The following HOOK3 variants were observed in gnomAD, a reference collection of about 807,000 sequenced individuals.
HOOK3 encodes the protein protein Hook homolog 3.
HOOK3 carries 24 observed loss-of-function variants against 116.3 expected under a neutral mutation model. The observed-to-expected ratio is 0.21, with a 90% CI of 0.15 to 0.29. The LOEUF (loss-of-function observed/expected upper bound fraction) is 0.29, where lower values mean the gene tolerates loss of function less well. Among genes scored for constraint, HOOK3 ranks in the 10% least tolerant of loss-of-function variants. HOOK3 has a pLI of 1.00. For synonymous variants in HOOK3, 275 were observed against 283.0 expected (o/e 0.97, Z 0.28); for missense variants, 632 against 830.2 (o/e 0.76, Z 2.93).
rs1173633622 is a variant in HOOK3 at position 43,025,774 on chromosome 8, A to G, written c.*7276A>G. The G allele has an allele frequency of 4.7e-6, 1 of 214,206 alleles. No individual in the cohort carries two copies. The highest frequency in any genetic ancestry group is 5.8e-5 in the Admixed American group (1 of 17,120). The allele number at this position is 214,206 out of a possible 1,614,324, so 13.3% of individuals were successfully genotyped here. ...ACTTGGTGTTATCTAGATCTGCTTT[A>G]TCTAGTTTGCAAGCCATAGGCTCAA... On this transcript the variant is annotated 3_prime_UTR_variant, in exon 22 of 22. Coordinates refer to ENST00000307602, the MANE Select transcript of HOOK3 (RefSeq NM_032410.4).
In HOOK3 at chr8:42,966,502, T is replaced by C; in HGVS notation, c.809T>C (p.Ile270Thr). The C allele has an allele frequency of 1.2e-6, 2 of 1,614,192 alleles. No homozygotes were observed. Among genetic ancestry groups the C allele is most frequent in the South Asian group, 1.1e-5 (1 of 91,080 alleles). Residue 270 changes from isoleucine to threonine, a missense_variant, in exon 10 of 22, where the codon ATA (isoleucine) becomes ACA (threonine). Transcript: ENST00000307602. ...RLEAAKDDYR[I>T]RCEELEKEIS... ...GAAGCAGCCAAAGATGATTATCGAA[T>C]ACGTTGTGAAGAGTTAGAAAAGGAG...
chr8:42,964,606 C>T (rs568325189), intron 9 of HOOK3, 132 bp downstream of exon 9: 2 of 702,378 alleles, frequency 2.8e-6, no homozygotes, highest in Non-Finnish European at 4.6e-6. Flanking sequence ...GCGGGCTGAT[C>T]ACTTGAGGTC....
At chr8:42,964,790 GC>G (rs1377473054) in intron 9 of HOOK3, among the ~76,000 whole-genome samples, 2 of 135,694 alleles carry the variant, frequency 1.5e-5, no homozygotes, top group African/African-American at 5.5e-5. Context: ...TCGTGCCACT[GC>G]ACCCCAGCCT....
intron 16 of HOOK3, chr8:43,000,182 T>G: frequency 1.3e-6 from 1 of 780,938 alleles, no homozygotes; most frequent in Non-Finnish European, 1.9e-6. Flanking sequence ...CTTCTGTTCA[T>G]GAATTACTAA....
At chr8:42,912,085 A>G (rs1807440821) in intron 2 of HOOK3, among the ~76,000 whole-genome samples, 1 of 152,188 alleles carries the variant, frequency 6.6e-6, no homozygotes, top group African/African-American at 2.4e-5. Context: ...TGTTGGGTAG[A>G]GGAGCAACTG....
At position 42,959,313 on chromosome 8, in the gene HOOK3, A is replaced by G. The variant is rs1407936081; in HGVS notation, c.614A>G (p.Gln205Arg). 4 of 1,603,260 alleles carry G rather than the reference A, an allele frequency of 2.5e-6. No individual in the cohort carries two copies. The highest frequency in any genetic ancestry group is 3.4e-6 in the Non-Finnish European group (4 of 1,170,418). ...CAAAGATGCCATGAACTGGATATGCAGGTAAGAGATTTGTTCTGTGCACCA... is the reference window on the plus strand; with the variant it reads ...CAAAGATGCCATGAACTGGATATGCGGGTAAGAGATTTGTTCTGTGCACCA... ...IAQRCHELDM[Q>R]VAALQEEKSS... The change falls in exon 8 of 22, where the codon CAG becomes CGG. Residue 205 changes from glutamine to arginine, a missense_variant and splice_region_variant. Coordinates refer to ENST00000307602, the MANE Select transcript of HOOK3 (RefSeq NM_032410.4).
At chr8:43,010,869 G>A (rs59592639) in intron 19 of HOOK3, among the ~76,000 whole-genome samples, 4,898 of 152,202 alleles carry the variant, frequency 0.032, 282 homozygotes, top group African/African-American at 0.11. Context: ...TCACTGTCAT[G>A]AAAACAAGAA....
chr8:42,958,365 T>A (rs1263131580), intron 7 of HOOK3, among the ~76,000 whole-genome samples: 1 of 152,124 alleles, frequency 6.6e-6, no homozygotes. Context: ...GAAGAGACAA[T>A]AAAATTTTCT....
intron 1 of HOOK3, among the ~76,000 whole-genome samples, chr8:42,901,177 C>T (rs1208846170): frequency 3.3e-5 from 5 of 152,272 alleles, no homozygotes; most frequent in Middle Eastern, 3.4e-3. Flanking sequence ...TCCAGGTGAT[C>T]TCATGCTTTA....
At chr8:43,007,206 C>G (rs1016952763) in intron 17 of HOOK3, among the ~76,000 whole-genome samples, 2 of 151,946 alleles carry the variant, frequency 1.3e-5, no homozygotes, top group African/African-American at 4.8e-5. Flanking sequence ...TTAGCAGAGA[C>G]TGGGTTTTGC....
At chr8:42,953,432 C>T (rs1808378569) in intron 6 of HOOK3, among the ~76,000 whole-genome samples, 1 of 151,714 alleles carries the variant, frequency 6.6e-6, no homozygotes, top group African/African-American at 2.4e-5. Flanking sequence ...GGCGTGGTGG[C>T]ACGTACCTGT....
intron 15 of HOOK3, among the ~76,000 whole-genome samples, chr8:42,990,281 C>T (rs994456459): frequency 1.2e-4 from 17 of 138,534 alleles, no homozygotes; most frequent in African/African-American, 4.2e-4. Context: ...TAGGCATGAA[C>T]CACCATATCC....
intron 10 of HOOK3, among the ~76,000 whole-genome samples, chr8:42,967,605 G>A (rs1808655251): frequency 6.6e-6 from 1 of 152,022 alleles, no homozygotes; most frequent in Non-Finnish European, 1.5e-5. Context: ...AAGAGAGGGA[G>A]TTATTACTCT....
chr8:42,927,285 C>T (rs1807787093), intron 3 of HOOK3, among the ~76,000 whole-genome samples: 2 of 115,360 alleles, frequency 1.7e-5, no homozygotes, highest in African/African-American at 7.5e-5. Flanking sequence ...TGGAGACAGT[C>T]TCACCTTGTC....
chr8:42,986,575 C>T (rs1809052750), intron 14 of HOOK3, 80 bp from the exon 15 acceptor site: 2 of 1,071,188 alleles, frequency 1.9e-6, no homozygotes, highest in Non-Finnish European at 2.6e-6. Flanking sequence ...GAGTGCTTAG[C>T]TGGATTTGAT....
At chr8:42,947,854 G>A (rs1808264930) in intron 5 of HOOK3, among the ~76,000 whole-genome samples, 1 of 152,148 alleles carries the variant, frequency 6.6e-6, no homozygotes, top group South Asian at 2.1e-4. Context: ...TTGTGTGTGT[G>A]TGTGTGTATG....
intron 4 of HOOK3, among the ~76,000 whole-genome samples, chr8:42,941,022 T>C (rs1360794594): frequency 6.6e-6 from 1 of 151,828 alleles, no homozygotes; most frequent in African/African-American, 2.4e-5. Flanking sequence ...CTCGGCTCAC[T>C]GGCAACCTCC....
chr8:43,005,948 G>A (rs1366711786), intron 17 of HOOK3, among the ~76,000 whole-genome samples: 1 of 151,534 alleles, frequency 6.6e-6, no homozygotes, highest in Non-Finnish European at 1.5e-5. Context: ...ACCCGCCTTG[G>A]CCTCTCAAAG....
chr8:42,906,114 A>G (rs1807302406), intron 1 of HOOK3, 59 bp from the exon 2 acceptor site: 1 of 1,012,784 alleles, frequency 9.9e-7, no homozygotes, highest in South Asian at 1.3e-5. Flanking sequence ...AAGGCCTAAG[A>G]AATTTTCTAC....
Sources: gnomAD v4.1 joint callset for allele counts (sites outside exome capture counted in the v4.1 genomes callset) on GRCh38, gnomAD v4.1.1 for gene constraint, MANE v1.5 for transcripts, NCBI Gene and HGNC (gene_info 2026-07-23, HGNC 2026-07-21) for gene names.